SLC12A7: variants seen among roughly 807,000 people sequenced by gnomAD.
SLC12A7 encodes solute carrier family 12 member 7, also known as K-Cl cotransporter 4.
SLC12A7 carries 100 observed loss-of-function variants against 120.6 expected under a neutral mutation model. That is an observed-to-expected ratio of 0.83 (90% CI 0.71 to 0.98). The LOEUF is 0.98. Among genes scored for constraint, SLC12A7 ranks in the 50% least tolerant of loss-of-function variants. The probability of loss-of-function intolerance (pLI) is 0.00; values close to 1 mark genes in which losing one functional copy is unlikely to be tolerated. For synonymous variants in SLC12A7, 760 were observed against 678.0 expected, an observed-to-expected ratio of 1.12 and a Z score of -1.88; for missense variants, 1,373 against 1,548.1, an observed-to-expected ratio of 0.89 and a Z score of 1.90.
chr5:1,074,123 G>A (rs573268261), intron 16 of SLC12A7, among the ~76,000 whole-genome samples: 1 of 152,296 alleles, frequency 6.6e-6, no homozygotes, highest in South Asian at 2.1e-4. Flanking sequence ...ATGCTAGACA[G>A]GTGAGACAAT....
chr5:1,093,525 G>A lies in SLC12A7; in HGVS notation c.342+8C>T, dbSNP rs771851019. ...GGGACTGGGCGGGCACGGGCAGGGT[G>A]GCAGTACCTTGGCCTCCCGCCGCCG... On this transcript the variant is annotated splice_region_variant and intron_variant, in intron 3 of 23. Coordinates refer to ENST00000264930, the MANE Select transcript of SLC12A7 (RefSeq NM_006598.3). 1.4e-6 allele frequency: 2 copies of A among 1,383,916 alleles called. No individual in the cohort carries two copies. The highest frequency in any genetic ancestry group is 5.1e-5 in the East Asian group (2 of 39,214). 85.7% of individuals were successfully genotyped at this position (1,383,916 alleles called of 1,614,324 possible). A position where few individuals can be genotyped will look rare whatever the true frequency, so the allele number is the denominator to read the frequency against.
At chr5:1,096,202 C>T (rs953398286) in intron 1 of SLC12A7, among the ~76,000 whole-genome samples, 3 of 152,188 alleles carry the variant, frequency 2.0e-5, no homozygotes, top group Admixed American at 1.3e-4. Flanking sequence ...AGAGGCACCA[C>T]GTCAGCTGCT....
intron 15 of SLC12A7, 122 bp downstream of exon 15, chr5:1,075,249 C>T: frequency 7.2e-7 from 1 of 1,379,630 alleles, no homozygotes; most frequent in East Asian, 2.4e-5. Context: ...CCAGCTGCCC[C>T]TGTGAGGGCA....
the SLC12A7 span, among the ~76,000 whole-genome samples, chr5:1,141,605 C>T: frequency 4.6e-5 from 7 of 152,262 alleles, no homozygotes; most frequent in African/African-American, 1.7e-4. Flanking sequence ...ACTGGGACAG[C>T]AGCCACTAAG....
chr5:1,100,816 AC>A lies in SLC12A7; in HGVS notation c.125-6569del, dbSNP rs141122317. On this transcript the variant is annotated intron_variant, in intron 1 of 23. Coordinates refer to ENST00000264930, the MANE Select transcript of SLC12A7 (RefSeq NM_006598.3). The stretch of plus-strand genomic sequence containing the variant: ...TCGTCAAAAAAAGAAAGTCCGAGAA[AC>A]CGTCACAGCCAAGAGGAGCCCGAGG... Among the ~76,000 whole-genome samples the A allele has an allele frequency of 5.2e-3, 795 of 152,308 alleles. 7 individuals carry two copies. The highest frequency in any genetic ancestry group is 6.4e-3 in the Non-Finnish European group (435 of 68,028).
intron 17 of SLC12A7, among the ~76,000 whole-genome samples, chr5:1,071,005 C>G (rs1469267757): frequency 6.8e-3 from 2 of 292 alleles, no homozygotes; most frequent in South Asian, 0.062. Context: ...CCAGTGAGCC[C>G]CCAGCACACG....
chr5:1,122,816 G>C, the SLC12A7 span, among the ~76,000 whole-genome samples: 1 of 152,252 alleles, frequency 6.6e-6, no homozygotes, highest in Non-Finnish European at 1.5e-5. Flanking sequence ...ACCCACTCAT[G>C]TGCTGATGGA....
chr5:1,096,322 C>T lies in SLC12A7; in HGVS notation c.125-2074G>A, dbSNP rs75877078. 3.0e-3 allele frequency among the ~76,000 whole-genome samples: 461 copies of T among 152,250 alleles called. 1 individual carries two copies. Among genetic ancestry groups the T allele is most frequent in the African/African-American group, 0.01 (431 of 41,548 alleles). ...TGGCAGGAGGTTGGCATTTGGGCAA[C>T]GGAGGCCAAGGGCAGATGGGCGTTC... On this transcript the variant is annotated intron_variant, in intron 1 of 23. Transcript: ENST00000264930.
chr5:1,050,812 G>A lies in SLC12A7; in HGVS notation c.*1548C>T, dbSNP rs1561017354. ...AGCCCCGCTGTGATGTCTGGGACAC[G>A]CTCTGGGCAGCAGCCGTCACTCTAC... On this transcript the variant is annotated 3_prime_UTR_variant, in exon 24 of 24. Transcript: ENST00000264930. 2 of 398,600 alleles carry A rather than the reference G, an allele frequency of 5.0e-6. No individual in the cohort carries two copies. Among genetic ancestry groups the A allele is most frequent in the Non-Finnish European group, 8.8e-6 (2 of 226,032 alleles). The allele number at this position is 398,600 out of a possible 1,614,324, so 24.7% of individuals were successfully genotyped here.
chr5:1,135,837 T>C, the SLC12A7 span, among the ~76,000 whole-genome samples: 2 of 152,128 alleles, frequency 1.3e-5, no homozygotes, highest in East Asian at 3.9e-4. Flanking sequence ...TCCAAAAATA[T>C]CTTCAAGAGT....
At chr5:1,085,762 C>A (rs1040255256) in intron 6 of SLC12A7, among the ~76,000 whole-genome samples, 1 of 152,178 alleles carries the variant, frequency 6.6e-6, no homozygotes, top group Non-Finnish European at 1.5e-5. Context: ...GGGGCCTGAA[C>A]GTTTCCCAGG....
intron 1 of SLC12A7, among the ~76,000 whole-genome samples, chr5:1,106,338 C>T (rs1262026678): frequency 1.3e-5 from 2 of 151,978 alleles, no homozygotes; most frequent in African/African-American, 4.8e-5. Flanking sequence ...CTGTGGTCCC[C>T]GCTACTCGGG....
At chr5:1,120,006 C>T in the SLC12A7 span, among the ~76,000 whole-genome samples, 1 of 152,382 alleles carries the variant, frequency 6.6e-6, no homozygotes, top group African/African-American at 2.4e-5. Flanking sequence ...ATTGGGGTCA[C>T]TCAAGGGCCT....
At chr5:1,100,870 T>C (rs1465927992) in intron 1 of SLC12A7, among the ~76,000 whole-genome samples, 2 of 152,112 alleles carry the variant, frequency 1.3e-5, no homozygotes. Flanking sequence ...GTCTGTCACG[T>C]TGGATCCCGG....
chr5:1,108,231 C>A (rs1265999073), intron 1 of SLC12A7, among the ~76,000 whole-genome samples: 1 of 152,386 alleles, frequency 6.6e-6, no homozygotes, highest in South Asian at 2.1e-4. Context: ...CATGCTTTAC[C>A]GCATGCCTGC....
chr5:1,095,878 G>A (rs1168869651), intron 1 of SLC12A7, among the ~76,000 whole-genome samples: 1 of 152,236 alleles, frequency 6.6e-6, no homozygotes, highest in East Asian at 1.9e-4. Context: ...CCTTCAGGGT[G>A]TGCAGGTCCT....
chr5:1,152,590 T>TAGAGGAGGGAGA, the SLC12A7 span, among the ~76,000 whole-genome samples: 1 of 143,598 alleles, frequency 7.0e-6, no homozygotes, highest in African/African-American at 2.6e-5. Context: ...GAGAAGGGAG[T>TAGAGGAGGGAGA]CCCCCAAGCT....
chr5:1,089,915 C>G (rs1045050872), intron 3 of SLC12A7, among the ~76,000 whole-genome samples: 2 of 152,252 alleles, frequency 1.3e-5, no homozygotes, highest in Non-Finnish European at 2.9e-5. Context: ...GCCCCACTCC[C>G]GCCATGAGCA....
intron 3 of SLC12A7, 65 bp from the exon 4 acceptor site, chr5:1,089,193 G>A: frequency 1.3e-6 from 2 of 1,566,756 alleles, no homozygotes; most frequent in South Asian, 1.2e-5. Flanking sequence ...CCCCTCCCCA[G>A]GCTGCACTCA....
Sources: gnomAD v4.1 joint callset for allele counts (sites outside exome capture counted in the v4.1 genomes callset) on GRCh38, gnomAD v4.1.1 for gene constraint, MANE v1.5 for transcripts, NCBI Gene and HGNC (gene_info 2026-07-23, HGNC 2026-07-21) for gene names.